OSBPL3: variants seen among roughly 807,000 people sequenced by gnomAD.
OSBPL3 encodes oxysterol binding protein like 3.
A neutral mutation model predicts 120.1 loss-of-function variants in OSBPL3; 65 were observed. The ratio of observed to expected loss-of-function variants is 0.54; its 90% confidence interval spans 0.44 to 0.67. OSBPL3 has a LOEUF of 0.67. Among genes scored for constraint, OSBPL3 ranks in the 30% least tolerant of loss-of-function variants. The probability of loss-of-function intolerance (pLI) is 0.00; values close to 1 mark genes in which losing one functional copy is unlikely to be tolerated. For synonymous variants in OSBPL3, 416 were observed against 402.6 expected, an observed-to-expected ratio of 1.03 and a Z score of -0.40; for missense variants, 1,004 against 1,082.1, an observed-to-expected ratio of 0.93 and a Z score of 1.01.
intron 1 of OSBPL3, among the ~76,000 whole-genome samples, chr7:24,905,076 C>A (rs1807693630): frequency 6.6e-6 from 1 of 151,442 alleles, no homozygotes; most frequent in South Asian, 2.1e-4. Context: ...CCAAGGCTTG[C>A]AAACAGCAGT....
chr7:24,844,862 G>A (rs1202265418), intron 12 of OSBPL3, among the ~76,000 whole-genome samples: 2 of 151,996 alleles, frequency 1.3e-5, no homozygotes, highest in African/African-American at 4.8e-5. Context: ...GAAAAACTGG[G>A]ATAAACAGTC....
rs892064880 is a variant in OSBPL3, at chr7:24,968,051, T to C, written c.-150+11835A>G. On this transcript the variant is annotated intron_variant, in intron 1 of 22. Coordinates refer to ENST00000313367, the MANE Select transcript of OSBPL3 (RefSeq NM_015550.4). The surrounding 1 kb of genome is among the most constrained non-coding windows in gnomAD (Gnocchi z 4.6). ...TTATATATTTACTTGGAGTAATACATTTACTTGGAATAATATTCAAAAGGT... is the reference window on the plus strand; with the variant it reads ...TTATATATTTACTTGGAGTAATACACTTACTTGGAATAATATTCAAAAGGT... Among the ~76,000 whole-genome samples, 1 of 152,238 alleles carries C rather than the reference T, an allele frequency of 6.6e-6. No homozygotes were observed. Among genetic ancestry groups the C allele is most frequent in the African/African-American group, 2.4e-5 (1 of 41,456 alleles).
chr7:24,948,181 T>C (rs1276487484), intron 1 of OSBPL3, among the ~76,000 whole-genome samples: 1 of 152,162 alleles, frequency 6.6e-6, no homozygotes, highest in Non-Finnish European at 1.5e-5. Context: ...AGTCTGGGAA[T>C]GATAGCCTAA....
chr7:24,942,461 G>GTC, intron 1 of OSBPL3, among the ~76,000 whole-genome samples: 1 of 45,560 alleles, frequency 2.2e-5, no homozygotes, highest in South Asian at 1.2e-3. Context: ...CCTCTTCTCT[G>GTC]TCATGGTAAT....
chr7:24,807,435 G>A (rs538129773), intron 20 of OSBPL3, among the ~76,000 whole-genome samples: 1 of 152,278 alleles, frequency 6.6e-6, no homozygotes, highest in South Asian at 2.1e-4. Flanking sequence ...GGAGGTTGCA[G>A]TGAGCCAAGA....
intron 1 of OSBPL3, among the ~76,000 whole-genome samples, chr7:24,970,311 G>A (rs186317894): frequency 3.9e-5 from 6 of 151,974 alleles, no homozygotes; most frequent in South Asian, 4.2e-4. Context: ...TTCACCACGC[G>A]GCCAGGCTGG....
chr7:24,841,095 G>A (rs1342858175), intron 13 of OSBPL3, among the ~76,000 whole-genome samples: 2 of 152,146 alleles, frequency 1.3e-5, no homozygotes, highest in Non-Finnish European at 2.9e-5. Flanking sequence ...AGTAGAAGAA[G>A]TTACAATTTG....
intron 1 of OSBPL3, among the ~76,000 whole-genome samples, chr7:24,957,380 C>T (rs1003501702): frequency 3.3e-5 from 5 of 152,290 alleles, no homozygotes; most frequent in Non-Finnish European, 5.9e-5. Context: ...TTACTTCTTT[C>T]GTAATGAATT....
intron 2 of OSBPL3, among the ~76,000 whole-genome samples, chr7:24,882,828 T>C (rs1803910133): frequency 6.6e-6 from 1 of 152,242 alleles, no homozygotes; most frequent in Admixed American, 6.5e-5. Context: ...ATGATTATGT[T>C]GAACATTTTT....
Position 24,834,789 on chromosome 7 carries a change from T to C in OSBPL3, c.1496-53A>G, listed in dbSNP as rs1796806114. ...CTATAAAGCTTTTCATTTTATTCTA[T>C]TATTTTTAATCCACGAATAAAACCT... On this transcript the variant is annotated intron_variant, in intron 14 of 22. Transcript: ENST00000313367. The surrounding 1 kb of genome is among the most constrained non-coding windows in gnomAD (Gnocchi z 5.2). 1 of 1,451,522 alleles carries C rather than the reference T, an allele frequency of 6.9e-7. No individual in the cohort carries two copies. Among genetic ancestry groups the C allele is most frequent in the East Asian group, 2.3e-5 (1 of 43,348 alleles). 89.9% of individuals were successfully genotyped at this position (1,451,522 alleles called of 1,614,324 possible).
chr7:24,841,570 C>T (rs1280650053), intron 13 of OSBPL3, among the ~76,000 whole-genome samples: 1 of 151,470 alleles, frequency 6.6e-6, no homozygotes, highest in Admixed American at 6.6e-5. Flanking sequence ...GGGCGCACGC[C>T]TGTATTCCCA....
chr7:24,949,086 C>G (rs905150276), intron 1 of OSBPL3, among the ~76,000 whole-genome samples: 8 of 152,134 alleles, frequency 5.3e-5, no homozygotes, highest in African/African-American at 1.9e-4. Flanking sequence ...GTAATCTCAC[C>G]ACACTGGGGA....
chr7:24,927,869 C>T (rs1253709154), intron 1 of OSBPL3, among the ~76,000 whole-genome samples: 2 of 152,114 alleles, frequency 1.3e-5, no homozygotes, highest in Non-Finnish European at 2.9e-5. Flanking sequence ...AATTTATATC[C>T]AATAAAATGC....
Position 24,797,220 on chromosome 7 carries a change from A to G in OSBPL3, c.*2963T>C. Reference sequence around the variant, plus strand: ...AATCTGGAAGATGCAGATGGAAGACAGTGCTTGAAGCCCAAACAAATGATT... The same window carrying G: ...AATCTGGAAGATGCAGATGGAAGACGGTGCTTGAAGCCCAAACAAATGATT... On this transcript the variant is annotated 3_prime_UTR_variant, in exon 23 of 23. Transcript: ENST00000313367. The surrounding 1 kb of genome is among the most constrained non-coding windows in gnomAD (Gnocchi z 4.8). 1 of 152,260 alleles carries G rather than the reference A, an allele frequency of 6.6e-6. No individual in the cohort carries two copies. Among genetic ancestry groups the G allele is most frequent in the East Asian group, 1.9e-4 (1 of 5,204 alleles). The allele number at this position is 152,260 out of a possible 1,614,324, so 9.4% of individuals were successfully genotyped here. A position where few individuals can be genotyped will look rare whatever the true frequency, so the allele number is the denominator to read the frequency against.
At position 24,901,104 on chromosome 7, in the gene OSBPL3, C is replaced by T. The variant is rs556826164; in HGVS notation, c.-149-8483G>A. On this transcript the variant is annotated intron_variant, in intron 1 of 22. Transcript: ENST00000313367. ...CAGCGCTTTGGGAGGCTGAGGCGGG[C>T]GGATCACGAGGTCAAGAGTTCGAGA... Among the ~76,000 whole-genome samples, 15 of 150,858 alleles carry T rather than the reference C, an allele frequency of 9.9e-5. No homozygotes were observed. In the South Asian group the frequency reaches 1.9e-3, roughly 19 times the overall value.
intron 2 of OSBPL3, among the ~76,000 whole-genome samples, chr7:24,890,995 TTTATCAAAGA>T (rs780217683): frequency 3.3e-5 from 5 of 152,194 alleles, no homozygotes; most frequent in Non-Finnish European, 7.3e-5. Flanking sequence ...GTTCTCCCCC[TTTATCAAAGA>T]AGGACATAAC....
At position 24,887,163 on chromosome 7, in the gene OSBPL3, A is replaced by G. The variant is rs546017438; in HGVS notation, c.96+5214T>C. On this transcript the variant is annotated intron_variant, in intron 2 of 22. Transcript: ENST00000313367. ...CATAGATCATTCTAGCTAAAGGAAT[A>G]GTGGAGCCAAAACCTGGGATGAGGA... Among the ~76,000 whole-genome samples, 51 of 152,340 alleles carry G rather than the reference A, an allele frequency of 3.3e-4. 1 individual carries two copies. The highest frequency in any genetic ancestry group is 2.5e-4 in the Non-Finnish European group (17 of 68,026).
At chr7:24,836,741 G>A (rs1188549848) in intron 14 of OSBPL3, among the ~76,000 whole-genome samples, 2 of 152,146 alleles carry the variant, frequency 1.3e-5, no homozygotes, top group Non-Finnish European at 2.9e-5. Context: ...TAAAGGGGCT[G>A]CTCTGATGAA....
Position 24,871,642 on chromosome 7 carries a change from C to A in OSBPL3, c.267+100G>T, listed in dbSNP as rs760671434. 1.5e-5 allele frequency: 13 copies of A among 891,588 alleles called. No individual in the cohort carries two copies. The highest frequency in any genetic ancestry group is 2.3e-5 in the Non-Finnish European group (13 of 557,202). 55.2% of individuals were successfully genotyped at this position (891,588 alleles called of 1,614,324 possible). A position where few individuals can be genotyped will look rare whatever the true frequency, so the allele number is the denominator to read the frequency against. ...GTTTCCCCTCTATGGTTTCCAGTTC[C>A]GAGAAAAGCTATCCTCAACTATACA... On this transcript the variant is annotated intron_variant, in intron 4 of 22. Transcript: ENST00000313367. The surrounding 1 kb of genome is among the most constrained non-coding windows in gnomAD (Gnocchi z 4.8).
Sources: allele counts gnomAD v4.1 joint callset (sites outside exome capture counted in the v4.1 genomes callset), GRCh38; gene constraint gnomAD v4.1.1; non-coding constraint Gnocchi (gnomAD v3.1); transcripts MANE v1.5; gene names NCBI Gene and HGNC (gene_info 2026-07-23, HGNC 2026-07-21).